The following API5 variants were observed in gnomAD, a reference collection of about 807,000 sequenced individuals.
The protein encoded by API5 is apoptosis inhibitor 5, also known as FIF.
In API5, 6 loss-of-function variants were observed where a neutral mutation model predicts 71.9. That is an observed-to-expected ratio of 0.08 (90% CI 0.05 to 0.16). The LOEUF (loss-of-function observed/expected upper bound fraction) is 0.16, where lower values mean the gene tolerates loss of function less well. API5 is among the 10% of genes least tolerant of loss of function. The probability of loss-of-function intolerance (pLI) is 1.00; values close to 1 mark genes in which losing one functional copy is unlikely to be tolerated. For synonymous variants in API5, 189 were observed against 221.3 expected, an observed-to-expected ratio of 0.85 and a Z score of 1.30; for missense variants, 332 against 612.8, an observed-to-expected ratio of 0.54 and a Z score of 4.84.
rs1463781515 is a variant in API5 at position 43,342,633 on chromosome 11, T to G, written c.*123T>G. The stretch of plus-strand genomic sequence containing the variant: ...GCCTTCAGCTAAAAACTTAATGTTC[T>G]TTATACCTTTGTATGTATGACCTAC... On this transcript the variant is annotated 3_prime_UTR_variant, in exon 14 of 14. Transcript: ENST00000531273. 1.0e-6 allele frequency: 1 copy of G among 970,622 alleles called. No homozygotes were observed. Among genetic ancestry groups the G allele is most frequent in the Non-Finnish European group, 1.6e-6 (1 of 622,034 alleles). The allele number at this position is 970,622 out of a possible 1,614,324, so 60.1% of individuals were successfully genotyped here.
chr11:43,340,509 A>G (rs1230533998), intron 13 of API5, among the ~76,000 whole-genome samples: 1 of 152,228 alleles, frequency 6.6e-6, no homozygotes, highest in Non-Finnish European at 1.5e-5. Context: ...AGCTGGAGTT[A>G]TCACACTACC....
At position 43,318,798 on chromosome 11, in the gene API5, A is replaced by G. The variant is rs778225365; in HGVS notation, c.228A>G (p.Val76=). ...TAGACCTCTGTGAGGATGAAGATGT[A>G]TCTGTAAGTTTATGAATGACACTTC... ...AQLDLCEDED[V]SIRRQAIKEL... Residue 76 remains valine, a synonymous_variant, in exon 2 of 14, where the codon GTA becomes GTG. Coordinates refer to ENST00000531273, the MANE Select transcript of API5 (RefSeq NM_001142930.2). 12 of 1,611,414 alleles carry G rather than the reference A, an allele frequency of 7.4e-6. No homozygotes were observed. The Admixed American group carries it at 1.7e-4, about 22-fold the overall frequency.
At chr11:43,322,408 C>T (rs1291792089) in intron 5 of API5, among the ~76,000 whole-genome samples, 1 of 152,136 alleles carries the variant, frequency 6.6e-6, no homozygotes, top group African/African-American at 2.4e-5. Flanking sequence ...CTCTGCAAAT[C>T]ACCTCCTTCA....
intron 5 of API5, 132 bp downstream of exon 5, chr11:43,322,268 A>G (rs2134352077): frequency 1.3e-6 from 1 of 799,506 alleles, no homozygotes. Context: ...GAACCACCAT[A>G]GAACTTCTAA....
In API5 at chr11:43,336,071, TTATA is replaced by T. The variant is rs746394811; in HGVS notation, c.1492+80_1492+83del. On this transcript the variant is annotated intron_variant, in intron 13 of 13. Coordinates refer to ENST00000531273, the MANE Select transcript of API5 (RefSeq NM_001142930.2). ...TGTTATACTTTATTTTAATTAGTAA[TTATA>T]TACAGTGTCATGGTTCTATCCAATG... The T allele has an allele frequency of 4.6e-6, 7 of 1,528,186 alleles. No individual in the cohort carries two copies. In the African/African-American group the frequency reaches 9.8e-5, roughly 21 times the overall value. 94.7% of individuals were successfully genotyped at this position (1,528,186 alleles called of 1,614,324 possible). A position where few individuals can be genotyped will look rare whatever the true frequency, so the allele number is the denominator to read the frequency against.
intron 1 of API5, among the ~76,000 whole-genome samples, chr11:43,314,190 G>A (rs1412758656): frequency 1.3e-5 from 2 of 152,022 alleles, no homozygotes; most frequent in African/African-American, 2.4e-5. Flanking sequence ...ATTCTCAATC[G>A]TATAATTTAT....
intron 13 of API5, among the ~76,000 whole-genome samples, chr11:43,341,259 T>C (rs866766369): frequency 1.3e-5 from 2 of 152,124 alleles, no homozygotes; most frequent in African/African-American, 4.8e-5. Context: ...CATTTACATA[T>C]GATTAAAAGT....
chr11:43,324,586 C>G (rs1270551208), intron 6 of API5, among the ~76,000 whole-genome samples: 3 of 152,038 alleles, frequency 2.0e-5, no homozygotes, highest in East Asian at 1.9e-4. Flanking sequence ...GACCTTGTCT[C>G]TACAAAAAAA....
At chr11:43,335,395 CT>C in intron 12 of API5, 41 bp downstream of exon 12, 10 of 1,286,404 alleles carry the variant, frequency 7.8e-6, no homozygotes, top group Non-Finnish European at 1.1e-5. Context: ...GTTATCAAAA[CT>C]TAATACGAGT....
At chr11:43,322,762 A>G (rs1241893671) in intron 5 of API5, among the ~76,000 whole-genome samples, 5 of 152,194 alleles carry the variant, frequency 3.3e-5, no homozygotes, top group African/African-American at 9.6e-5. Flanking sequence ...ATTTCAGACT[A>G]CTACTACCCA....
chr11:43,323,131 A>G (rs1479098303), intron 5 of API5, among the ~76,000 whole-genome samples: 1 of 151,750 alleles, frequency 6.6e-6, no homozygotes, highest in Non-Finnish European at 1.5e-5. Context: ...CTGCTCTCCC[A>G]TGAAATTTTA....
At chr11:43,339,436 G>A (rs1331825928) in intron 13 of API5, 2 of 152,140 alleles carry the variant, frequency 1.3e-5, no homozygotes, top group Non-Finnish European at 1.5e-5. Flanking sequence ...GAAGAGATTT[G>A]ATCTCATTTA....
intron 10 of API5, chr11:43,330,273 G>C: frequency 1.6e-6 from 1 of 609,154 alleles, no homozygotes; most frequent in South Asian, 2.1e-5. Flanking sequence ...TCATTTTTTA[G>C]CTACATTCTA....
chr11:43,337,698 A>G (rs570069857), intron 13 of API5, among the ~76,000 whole-genome samples: 14 of 152,326 alleles, frequency 9.2e-5, no homozygotes, highest in Admixed American at 3.3e-4. Flanking sequence ...GTTCTCTGTC[A>G]CTTGTATGAT....
chr11:43,329,094 C>G (rs1855166197), intron 9 of API5: 1 of 557,906 alleles, frequency 1.8e-6, no homozygotes, highest in Admixed American at 3.1e-5. Flanking sequence ...GTAATCCCAG[C>G]ACTTTGGGAG....
chr11:43,327,475 G>A (rs1270581622), intron 7 of API5, among the ~76,000 whole-genome samples: 1 of 152,178 alleles, frequency 6.6e-6, no homozygotes, highest in South Asian at 2.1e-4. Flanking sequence ...TTAACCTGTA[G>A]CAGAAAGTGT....
intron 11 of API5, among the ~76,000 whole-genome samples, chr11:43,334,380 T>C (rs1298444129): frequency 6.6e-6 from 1 of 152,190 alleles, no homozygotes; most frequent in Non-Finnish European, 1.5e-5. Flanking sequence ...CATTATAATA[T>C]GCAAAATCAC....
chr11:43,330,416 TA>T, intron 10 of API5, 91 bp from the exon 11 acceptor site: 1 of 927,780 alleles, frequency 1.1e-6, no homozygotes, highest in Non-Finnish European at 1.8e-6. Context: ...GTGATTCTGA[TA>T]GAAGTGTAAT....
chr11:43,330,416 T>A, intron 10 of API5, 92 bp from the exon 11 acceptor site: 1 of 927,780 alleles, frequency 1.1e-6, no homozygotes, highest in Non-Finnish European at 1.8e-6. Context: ...GTGATTCTGA[T>A]AGAAGTGTAA....
Sources: allele counts gnomAD v4.1 joint callset (sites outside exome capture counted in the v4.1 genomes callset), GRCh38; gene constraint gnomAD v4.1.1; transcripts MANE v1.5; gene names NCBI Gene and HGNC (gene_info 2026-07-23, HGNC 2026-07-21).